The following PCDH15 variants were observed in gnomAD, a reference collection of about 807,000 sequenced individuals.
The protein encoded by PCDH15 is protocadherin-15.
In PCDH15, 129 loss-of-function variants were observed where a neutral mutation model predicts 178.5. The ratio of observed to expected loss-of-function variants is 0.72; its 90% CI spans 0.63 to 0.84. The LOEUF (loss-of-function observed/expected upper bound fraction) is 0.84. Ranked by LOEUF, PCDH15 falls within the 40% of genes least tolerant of loss-of-function variation. The pLI is 0.00. For synonymous variants in PCDH15, 800 were observed against 732.0 expected (o/e 1.09, Z -1.50); for missense variants, 2,230 against 2,099.9 (o/e 1.06, Z -1.21).
intron 18 of PCDH15, among the ~76,000 whole-genome samples, chr10:54,029,069 A>G (rs1409120885): frequency 1.3e-5 from 2 of 152,200 alleles, no homozygotes; most frequent in African/African-American, 4.8e-5. Context: ...ATCTATTCCT[A>G]TGTCCCCATT....
intron 16 of PCDH15, 32 bp from the exon 17 acceptor site, chr10:54,079,456 A>G: frequency 6.3e-7 from 1 of 1,576,718 alleles, no homozygotes; most frequent in Non-Finnish European, 8.7e-7. Flanking sequence ...AAATAAGACA[A>G]AAAGAGATAT....
chr10:54,698,617 T>C (rs1213545480), intron 1 of PCDH15, among the ~76,000 whole-genome samples: 2 of 152,280 alleles, frequency 1.3e-5, no homozygotes, highest in East Asian at 3.9e-4. Context: ...CAAAACTATA[T>C]AAATTTGATC....
At chr10:53,897,642 T>G (rs1589305746) in intron 26 of PCDH15, among the ~76,000 whole-genome samples, 1 of 126,368 alleles carries the variant, frequency 7.9e-6, no homozygotes, top group South Asian at 2.5e-4. Context: ...TCAAAACGTC[T>G]TCTTCTTCCC....
Position 53,873,292 on chromosome 10 carries a change from A to G in PCDH15, c.3502-6435T>C, listed in dbSNP as rs188313070. On this transcript the variant is annotated intron_variant, in intron 26 of 37. Transcript: ENST00000644397. ...TGAGGCTGGACTCCATCTCAGATCA[A>G]CAATCAGTCTGGTGTTCTTTAAATT... Among the ~76,000 whole-genome samples the G allele has an allele frequency of 1.2e-4, 19 of 152,346 alleles. No homozygotes were observed. In the East Asian group the frequency reaches 3.1e-3, roughly 25 times the overall value.
chr10:55,043,769 G>T (rs1030589096), intron 2 of PCDH15, among the ~76,000 whole-genome samples: 1 of 150,872 alleles, frequency 6.6e-6, no homozygotes, highest in Non-Finnish European at 1.5e-5. Flanking sequence ...AAGATTAAAA[G>T]AAGAAAAAAA....
intron 23 of PCDH15, among the ~76,000 whole-genome samples, chr10:53,956,260 T>C (rs1335087323): frequency 2.0e-5 from 3 of 152,032 alleles, no homozygotes; most frequent in African/African-American, 7.2e-5. Context: ...TCAGAATTCA[T>C]CCCTAGTTAA....
chr10:54,664,996 T>A (rs932105935), intron 1 of PCDH15, among the ~76,000 whole-genome samples: 1 of 151,600 alleles, frequency 6.6e-6, no homozygotes, highest in Admixed American at 6.6e-5. Context: ...AAGAATGACA[T>A]CCTCAGTTTC....
At chr10:55,317,458 T>C (rs888865477) in intron 1 of PCDH15, among the ~76,000 whole-genome samples, 6 of 150,984 alleles carry the variant, frequency 4.0e-5, no homozygotes, top group African/African-American at 1.2e-4. Context: ...CTCCAGGATA[T>C]GCAAGAGAGG....
intron 18 of PCDH15, among the ~76,000 whole-genome samples, chr10:54,066,306 C>A (rs569575759): frequency 4.3e-4 from 65 of 152,172 alleles, no homozygotes; most frequent in African/African-American, 1.5e-3. Flanking sequence ...AAGTTTACTA[C>A]GAGTAAATCT....
intron 2 of PCDH15, among the ~76,000 whole-genome samples, chr10:55,623,076 G>A (rs2250475): frequency 0.26 from 39,528 of 152,054 alleles, 6,014 homozygotes; most frequent in Non-Finnish European, 0.35. Context: ...TGACCTTTCC[G>A]AAGTATCGCT....
intron 2 of PCDH15, among the ~76,000 whole-genome samples, chr10:55,078,979 T>C (rs923019943): frequency 1.2e-4 from 18 of 152,312 alleles, no homozygotes; most frequent in African/African-American, 4.1e-4. Context: ...TCTTTCCTTT[T>C]ATAATTTCTC....
intron 25 of PCDH15, among the ~76,000 whole-genome samples, chr10:53,919,197 T>C (rs957953145): frequency 4.1e-4 from 62 of 152,080 alleles, no homozygotes; most frequent in Non-Finnish European, 8.8e-5. Context: ...ATTAATATCT[T>C]CCCAAATTTC....
intron 3 of PCDH15, among the ~76,000 whole-genome samples, chr10:54,514,290 T>A (rs2081992462): frequency 6.6e-6 from 1 of 152,088 alleles, no homozygotes; most frequent in African/African-American, 2.4e-5. Context: ...AACATATATA[T>A]AATTATAATA....
chr10:55,133,313 T>G (rs1838103935), intron 2 of PCDH15, among the ~76,000 whole-genome samples: 1 of 151,878 alleles, frequency 6.6e-6, no homozygotes, highest in South Asian at 2.1e-4. Context: ...TAGTGACTTT[T>G]GACATAGCCA....
chr10:54,766,663 C>T (rs545697395), intron 1 of PCDH15, among the ~76,000 whole-genome samples: 9 of 152,190 alleles, frequency 5.9e-5, no homozygotes, highest in African/African-American at 2.2e-4. Context: ...GGCGTGGTGG[C>T]TCACGCCTGT....
chr10:55,064,129 T>C (rs578091725), intron 2 of PCDH15, among the ~76,000 whole-genome samples: 1 of 152,150 alleles, frequency 6.6e-6, no homozygotes, highest in African/African-American at 2.4e-5. Context: ...CATAAATACA[T>C]ATGGAAAAAT....
intron 13 of PCDH15, among the ~76,000 whole-genome samples, chr10:54,170,423 A>G (rs548075807): frequency 6.6e-6 from 1 of 151,922 alleles, no homozygotes; most frequent in African/African-American, 2.4e-5. Flanking sequence ...CACTGCATTA[A>G]TACTTTTAGA....
chr10:53,815,724 A>C (rs2076037254), intron 35 of PCDH15, among the ~76,000 whole-genome samples: 1 of 151,688 alleles, frequency 6.6e-6, no homozygotes, highest in South Asian at 2.1e-4. Context: ...ATAATAAGTA[A>C]ATACAATAAT....
chr10:54,658,845 G>T (rs1464419138), intron 2 of PCDH15, among the ~76,000 whole-genome samples: 1 of 152,060 alleles, frequency 6.6e-6, no homozygotes, highest in African/African-American at 2.4e-5. Context: ...ATATCATTTT[G>T]CAAATTGGAT....
Sources: gnomAD v4.1 joint callset for allele counts (sites outside exome capture counted in the v4.1 genomes callset) on GRCh38, gnomAD v4.1.1 for gene constraint, MANE v1.5 for transcripts, NCBI Gene and HGNC (gene_info 2026-07-23, HGNC 2026-07-21) for gene names.